Variants in CSMD3 observed in about 807,000 individuals in gnomAD.
The protein encoded by CSMD3 is CUB and Sushi multiple domains 3, also known as CUB and sushi domain-containing protein 3.
Under a neutral mutation model 435.2 loss-of-function variants are expected in CSMD3, and 177 were observed. The observed-to-expected ratio is 0.41, with a 90% CI of 0.36 to 0.46. The LOEUF (loss-of-function observed/expected upper bound fraction) is 0.46. Ranked by LOEUF, CSMD3 falls within the 20% of genes least tolerant of loss-of-function variation. CSMD3 has a pLI of 0.34. For missense variants in CSMD3, 4,265 were observed against 4,504.6 expected (o/e 0.95, Z 1.52); for synonymous variants, 1,656 against 1,520.5 (o/e 1.09, Z -2.07).
At chr8:112,861,914 T>C (rs2080837491) in intron 10 of CSMD3, among the ~76,000 whole-genome samples, 1 of 151,906 alleles carries the variant, frequency 6.6e-6, no homozygotes. Context: ...CAAGGCCTTG[T>C]TTATCATCTT....
intron 13 of CSMD3, among the ~76,000 whole-genome samples, chr8:112,745,462 T>C (rs1381045138): frequency 6.6e-6 from 1 of 152,146 alleles, no homozygotes. Flanking sequence ...TTTGGTCTTT[T>C]ACTACTGTAC....
chr8:112,577,065 T>C (rs982096807), intron 23 of CSMD3, among the ~76,000 whole-genome samples: 2 of 151,922 alleles, frequency 1.3e-5, no homozygotes, highest in Non-Finnish European at 2.9e-5. Flanking sequence ...ACTATAATCA[T>C]CAAAATAAAA....
chr8:113,022,480 T>A (rs940831812), intron 5 of CSMD3, among the ~76,000 whole-genome samples: 19 of 151,600 alleles, frequency 1.3e-4, no homozygotes, highest in Non-Finnish European at 2.7e-4. Flanking sequence ...TACAAACAAA[T>A]AAATAAATAA....
chr8:112,918,185 G>A (rs1360686399), intron 10 of CSMD3, among the ~76,000 whole-genome samples: 1 of 151,768 alleles, frequency 6.6e-6, no homozygotes, highest in Non-Finnish European at 1.5e-5. Context: ...ATGTTCATAA[G>A]TGTTGAATGA....
chr8:113,412,495 T>C (rs2094564009), intron 1 of CSMD3, among the ~76,000 whole-genome samples: 1 of 152,126 alleles, frequency 6.6e-6, no homozygotes, highest in Non-Finnish European at 1.5e-5. Flanking sequence ...TGTTAATCTG[T>C]TGATGACCTG....
intron 58 of CSMD3, among the ~76,000 whole-genome samples, chr8:112,283,095 C>T (rs1818821349): frequency 6.6e-6 from 1 of 151,910 alleles, no homozygotes; most frequent in African/African-American, 2.4e-5. Flanking sequence ...GAAAGTGAGG[C>T]ACAGAAAGAT....
At chr8:113,077,183 G>A (rs1338780791) in intron 5 of CSMD3, among the ~76,000 whole-genome samples, 2 of 151,978 alleles carry the variant, frequency 1.3e-5, no homozygotes, top group African/African-American at 2.4e-5. Flanking sequence ...TAAATTTCCT[G>A]ACTGTGATAT....
At chr8:112,391,124 G>A (rs945438951) in intron 35 of CSMD3, among the ~76,000 whole-genome samples, 1 of 152,054 alleles carries the variant, frequency 6.6e-6, no homozygotes, top group Non-Finnish European at 1.5e-5. Context: ...AAATTGTCTC[G>A]AATTTTTAAA....
intron 3 of CSMD3, among the ~76,000 whole-genome samples, chr8:113,178,088 T>C (rs1007939474): frequency 6.6e-6 from 1 of 151,938 alleles, no homozygotes; most frequent in East Asian, 1.9e-4. Flanking sequence ...TATGTACTAG[T>C]TAATACTACA....
At chr8:112,650,582 A>G (rs1387234705) in intron 18 of CSMD3, among the ~76,000 whole-genome samples, 1 of 152,218 alleles carries the variant, frequency 6.6e-6, no homozygotes, top group Non-Finnish European at 1.5e-5. Flanking sequence ...ATGTATAACT[A>G]TCTGTAAAAC....
chr8:112,686,790 A>G (rs1239348621), intron 14 of CSMD3, among the ~76,000 whole-genome samples: 2 of 151,944 alleles, frequency 1.3e-5, no homozygotes, highest in East Asian at 3.9e-4. Flanking sequence ...CCGGCCTTTT[A>G]TTACATATTT....
At chr8:112,943,253 C>A (rs1006454132) in intron 9 of CSMD3, among the ~76,000 whole-genome samples, 4 of 151,402 alleles carry the variant, frequency 2.6e-5, no homozygotes, top group Non-Finnish European at 4.4e-5. Context: ...ATGTAATTTG[C>A]AAATTTTTTT....
chr8:112,263,921 AG>A (rs1295390128), intron 60 of CSMD3, 109 bp from the exon 61 acceptor site: 3 of 954,828 alleles, frequency 3.1e-6, no homozygotes, highest in Non-Finnish European at 5.0e-6. Context: ...AACCTTTTCG[AG>A]GACAATATGT....
intron 35 of CSMD3, among the ~76,000 whole-genome samples, chr8:112,400,726 G>C (rs551952709): frequency 2.0e-5 from 3 of 152,276 alleles, no homozygotes; most frequent in Admixed American, 6.5e-5. Flanking sequence ...GTTAGCTACT[G>C]TACTTGCTAA....
chr8:112,725,601 C>T (rs1261704754), intron 13 of CSMD3, among the ~76,000 whole-genome samples: 1 of 151,704 alleles, frequency 6.6e-6, no homozygotes, highest in Non-Finnish European at 1.5e-5. Flanking sequence ...ATATACTTGG[C>T]TTTTTTACTT....
At chr8:112,501,576 C>A (rs957099058) in intron 30 of CSMD3, among the ~76,000 whole-genome samples, 1 of 152,122 alleles carries the variant, frequency 6.6e-6, no homozygotes, top group Admixed American at 6.6e-5. Flanking sequence ...AGCTCTCATC[C>A]TCTGATTTTT....
Position 112,685,481 on chromosome 8 carries a change from T to C in CSMD3, c.2407A>G (p.Asn803Asp). ...GAEVPSHLTS[N>D]SHILRLEFQA... ...AATTCCAATCGCAGTATGTGACTAT[T>C]ACTAGTAAGATGGGAAGGCACCTCA... The change falls in exon 15 of 71, where the codon AAT becomes GAT. Residue 803 changes from asparagine (N) to aspartate (D), a missense_variant. Physicochemically the swap from Asn to Asp is conservative, Grantham distance 23. Transcript: ENST00000297405. The C allele has an allele frequency of 6.2e-7, 1 of 1,614,054 alleles. No homozygotes were observed. Among genetic ancestry groups the C allele is most frequent in the Non-Finnish European group, 8.5e-7 (1 of 1,179,972 alleles).
intron 17 of CSMD3, among the ~76,000 whole-genome samples, chr8:112,665,781 ATTTT>A (rs1339863805): frequency 1.3e-5 from 2 of 152,080 alleles, no homozygotes; most frequent in East Asian, 3.9e-4. Context: ...AGTAATACTA[ATTTT>A]TCTAGGGGAA....
intron 6 of CSMD3, among the ~76,000 whole-genome samples, chr8:113,000,102 T>C (rs1316510830): frequency 1.3e-5 from 2 of 151,962 alleles, no homozygotes; most frequent in African/African-American, 4.8e-5. Flanking sequence ...ATCAGAAATC[T>C]GAGGAGAAAA....
Sources: gnomAD v4.1 joint callset for allele counts (sites outside exome capture counted in the v4.1 genomes callset) on GRCh38, gnomAD v4.1.1 for gene constraint, MANE v1.5 for transcripts, NCBI Gene and HGNC (gene_info 2026-07-23, HGNC 2026-07-21) for gene names.